Variants in CYTH1 observed in about 807,000 individuals in gnomAD.
The protein encoded by CYTH1 is cytohesin-1.
In CYTH1, 18 loss-of-function variants were observed where a neutral mutation model predicts 61.8. The observed-to-expected ratio is 0.29, with a 90% CI of 0.20 to 0.43. CYTH1 has a LOEUF of 0.43. Among genes scored for constraint, CYTH1 ranks in the 20% least tolerant of loss-of-function variants. The pLI is 1.00. For missense variants in CYTH1, 336 were observed against 510.5 expected, an observed-to-expected ratio of 0.66 and a Z score of 3.29; for synonymous variants, 174 against 184.3, an observed-to-expected ratio of 0.94 and a Z score of 0.45.
chr17:78,688,352 G>A (rs1009347611), intron 11 of CYTH1, among the ~76,000 whole-genome samples: 1 of 152,206 alleles, frequency 6.6e-6, no homozygotes, highest in Non-Finnish European at 1.5e-5. Flanking sequence ...TGTCACAGAA[G>A]AACAAGCATT....
At chr17:78,707,276 C>T (rs1268172705) in intron 3 of CYTH1, among the ~76,000 whole-genome samples, 1 of 152,044 alleles carries the variant, frequency 6.6e-6, no homozygotes, top group African/African-American at 2.4e-5. Context: ...TAGAAAAATA[C>T]AGACATGTAG....
chr17:78,715,728 C>T (rs926342562), intron 1 of CYTH1, among the ~76,000 whole-genome samples: 3 of 152,000 alleles, frequency 2.0e-5, no homozygotes, highest in Non-Finnish European at 4.4e-5. Context: ...CCATCAGGGA[C>T]GCCAGGAACA....
Position 78,698,357 on chromosome 17 carries a change from A to G in CYTH1, c.723T>C (p.Asn241=). 2 of 1,612,878 alleles carry G rather than the reference A, an allele frequency of 1.2e-6. No homozygotes were observed. Among genetic ancestry groups the G allele is most frequent in the Non-Finnish European group, 1.7e-6 (2 of 1,179,482 alleles). The change falls in exon 9 of 14, where the codon AAT becomes AAC. Residue 241 remains asparagine, a synonymous_variant. Coordinates refer to ENST00000446868, the MANE Select transcript of CYTH1 (RefSeq NM_004762.6). The part of the protein sequence containing the change: ...LLRNLYESIK[N]EPFKIPEDDG... ...CGTCTTCTGGGATTTTAAAGGGTTC[A>G]TTTTTTATGCTCTCATAGAGATTCT...
At chr17:78,709,307 C>T (rs2093102739) in intron 2 of CYTH1, 1 of 228,110 alleles carries the variant, frequency 4.4e-6, no homozygotes, top group African/African-American at 2.3e-5. Flanking sequence ...CGAGCTTCGC[C>T]TGAAGCCCAC....
In CYTH1 at chr17:78,690,393, C is replaced by CA. The variant is rs60663636; in HGVS notation, c.891+2023dup. Among the ~76,000 whole-genome samples the CA allele has an allele frequency of 5.0e-3, 142 of 28,308 alleles. 35 individuals are homozygous for CA. The highest frequency in any genetic ancestry group is 5.5e-3 in the Non-Finnish European group (91 of 16,466). The allele number at this position is 28,308 out of a possible 152,430, so 18.6% of individuals were successfully genotyped here. On this transcript the variant is annotated intron_variant, in intron 11 of 13. Transcript: ENST00000446868. ...TGGGCAACAGAGCGAGACTCCATCTCAAAAAAAAAAAAAAAAAAAAAAAAA... is the reference window on the plus strand; with the variant it reads ...TGGGCAACAGAGCGAGACTCCATCTCAAAAAAAAAAAAAAAAAAAAAAAAAA...
chr17:78,720,098 G>A (rs923964731), intron 1 of CYTH1, among the ~76,000 whole-genome samples: 2 of 152,138 alleles, frequency 1.3e-5, no homozygotes, highest in Non-Finnish European at 2.9e-5. Context: ...GCTGGGGAGA[G>A]GGGGAGTGGG....
intron 1 of CYTH1, among the ~76,000 whole-genome samples, chr17:78,780,835 T>C (rs7210036): frequency 0.54 from 81,823 of 151,910 alleles, 22,191 homozygotes; most frequent in East Asian, 0.62. Context: ...GGCAAAACCC[T>C]GTCTCTACTA....
At chr17:78,771,747 GAAAGA>G (rs951208771) in intron 1 of CYTH1, among the ~76,000 whole-genome samples, 4 of 145,642 alleles carry the variant, frequency 2.7e-5, no homozygotes, top group Non-Finnish European at 4.5e-5. Context: ...AAAAAAAAAA[GAAAGA>G]AAAGAAAAGG....
intron 1 of CYTH1, among the ~76,000 whole-genome samples, chr17:78,746,717 G>C (rs2093360648): frequency 6.6e-6 from 1 of 152,134 alleles, no homozygotes; most frequent in South Asian, 2.1e-4. Context: ...CGAGGTGAGA[G>C]GATCACTTGA....
At chr17:78,750,494 C>G (rs1204456484) in intron 1 of CYTH1, among the ~76,000 whole-genome samples, 1 of 152,088 alleles carries the variant, frequency 6.6e-6, no homozygotes, top group Non-Finnish European at 1.5e-5. Flanking sequence ...TCTTGCTATT[C>G]AAAGTAGTTA....
Position 78,749,295 on chromosome 17 carries a change from A to G in CYTH1, c.22+32907T>C, listed in dbSNP as rs917413543. Among the ~76,000 whole-genome samples, 5 of 152,114 alleles carry G rather than the reference A, an allele frequency of 3.3e-5. No homozygotes were observed. The South Asian group carries it at 8.3e-4, about 25-fold the overall frequency. On this transcript the variant is annotated intron_variant, in intron 1 of 13. Transcript: ENST00000446868. ...GTCAACATGGCGAAACCCCGTCTCCACTAAAAATATAAAAATTAGCCAGGC... is the reference window on the plus strand; with the variant it reads ...GTCAACATGGCGAAACCCCGTCTCCGCTAAAAATATAAAAATTAGCCAGGC...
intron 1 of CYTH1, among the ~76,000 whole-genome samples, chr17:78,760,573 A>G (rs1407834637): frequency 1.4e-4 from 4 of 29,452 alleles, no homozygotes; most frequent in Admixed American, 9.6e-4. Context: ...ATATATACAC[A>G]TACATATATA....
chr17:78,708,512 C>T (rs1184729287), intron 2 of CYTH1, among the ~76,000 whole-genome samples: 6 of 152,206 alleles, frequency 3.9e-5, no homozygotes, highest in Non-Finnish European at 8.8e-5. Context: ...AAGGAGTTTA[C>T]GGTCTAGGAA....
chr17:78,702,148 T>C lies in CYTH1; in HGVS notation c.330A>G (p.Thr110=), dbSNP rs199498127. The change falls in exon 5 of 14, where the codon ACA becomes ACG. Residue 110 remains threonine, a synonymous_variant. Coordinates refer to ENST00000446868, the MANE Select transcript of CYTH1 (RefSeq NM_004762.6). ...FLYKGEGLNK[T]AIGDYLGERD... is the part of the protein sequence containing the mutation. ...TCTCCCCTAGGTAGTCGCCGATGGC[T>C]GTCTTGTTGAGCCCTTCGCCTTTAT... The C allele has an allele frequency of 3.0e-5, 48 of 1,614,086 alleles. No homozygotes were observed. In the Admixed American group the frequency reaches 4.3e-4, roughly 15 times the overall value.
At chr17:78,770,726 G>A (rs2093468187) in intron 1 of CYTH1, among the ~76,000 whole-genome samples, 1 of 152,064 alleles carries the variant, frequency 6.6e-6, no homozygotes, top group Admixed American at 6.6e-5. Flanking sequence ...TTTTTTAATA[G>A]CCTTAGCCAA....
chr17:78,772,431 G>GA (rs1173819082), intron 1 of CYTH1, among the ~76,000 whole-genome samples: 1 of 152,120 alleles, frequency 6.6e-6, no homozygotes, highest in Non-Finnish European at 1.5e-5. Context: ...AAATACTGAA[G>GA]AAAAAATCTG....
At chr17:78,780,758 G>C (rs1021699585) in intron 1 of CYTH1, among the ~76,000 whole-genome samples, 1 of 152,054 alleles carries the variant, frequency 6.6e-6, no homozygotes, top group African/African-American at 2.4e-5. Context: ...TGTAATCCCA[G>C]CACTTTGGGA....
At chr17:78,724,385 A>G (rs142649856) in intron 1 of CYTH1, among the ~76,000 whole-genome samples, 184 of 152,332 alleles carry the variant, frequency 1.2e-3, no homozygotes, top group Middle Eastern at 6.8e-3. Context: ...TAAAATAACC[A>G]AGGAGAGAAA....
chr17:78,748,601 C>A (rs1286602347), intron 1 of CYTH1, among the ~76,000 whole-genome samples: 1 of 152,172 alleles, frequency 6.6e-6, no homozygotes. Context: ...TCAATTAATT[C>A]ATTGGGTTTT....
Sources: gnomAD v4.1 joint callset for allele counts (sites outside exome capture counted in the v4.1 genomes callset) on GRCh38, gnomAD v4.1.1 for gene constraint, MANE v1.5 for transcripts, NCBI Gene and HGNC (gene_info 2026-07-23, HGNC 2026-07-21) for gene names.